The following KLHL29 variants were observed in gnomAD, a reference collection of about 807,000 sequenced individuals.
KLHL29 encodes kelch like family member 29.
Under a neutral mutation model 80.4 loss-of-function variants are expected in KLHL29, and 21 were observed. That is an observed-to-expected ratio of 0.26 (90% CI 0.19 to 0.38). The LOEUF (loss-of-function observed/expected upper bound fraction) is 0.38, where lower values mean the gene tolerates loss of function less well. KLHL29 is among the 10% of genes least tolerant of loss of function. The pLI is 1.00. For synonymous variants in KLHL29, 511 were observed against 526.8 expected, an observed-to-expected ratio of 0.97 and a Z score of 0.41; for missense variants, 867 against 1,223.9, an observed-to-expected ratio of 0.71 and a Z score of 4.35.
At chr2:23,464,730 C>T (rs1050371949) in intron 1 of KLHL29, among the ~76,000 whole-genome samples, 2 of 152,008 alleles carry the variant, frequency 1.3e-5, no homozygotes, top group African/African-American at 4.8e-5. Context: ...TTGGCAGCAC[C>T]CAGAAGTATT....
Position 23,680,631 on chromosome 2 carries a change from G to T in KLHL29, c.941-3768G>T, listed in dbSNP as rs1044340434. On this transcript the variant is annotated intron_variant, in intron 5 of 13. Coordinates refer to ENST00000486442, the MANE Select transcript of KLHL29 (RefSeq NM_052920.2). The surrounding 1 kb of genome is among the most constrained non-coding windows in gnomAD (Gnocchi z 4.1). ...GCAGGGAGGGTCATGGGCTCTCTAGGCCATCTTCTCCTGGGGTCTCTAGGC... is the reference window on the plus strand; with the variant it reads ...GCAGGGAGGGTCATGGGCTCTCTAGTCCATCTTCTCCTGGGGTCTCTAGGC... Among the ~76,000 whole-genome samples the T allele has an allele frequency of 6.6e-6, 1 of 151,952 alleles. No individual in the cohort carries two copies. The highest frequency in any genetic ancestry group is 6.5e-5 in the Admixed American group (1 of 15,270).
chr2:23,581,320 C>T (rs1667975235), intron 3 of KLHL29, among the ~76,000 whole-genome samples: 1 of 152,150 alleles, frequency 6.6e-6, no homozygotes, highest in African/African-American at 2.4e-5. Context: ...CATGGATTCT[C>T]TTTCATGTAT....
chr2:23,389,158 T>G (rs1002844167), intron 1 of KLHL29, among the ~76,000 whole-genome samples: 1 of 152,104 alleles, frequency 6.6e-6, no homozygotes, highest in African/African-American at 2.4e-5. Context: ...CAGCAGAGGA[T>G]TTTCCAAATA....
Position 23,411,875 on chromosome 2 carries a change from T to C in KLHL29, c.-154+26095T>C, listed in dbSNP as rs962003189. On this transcript the variant is annotated intron_variant, in intron 1 of 13. Transcript: ENST00000486442. The stretch of plus-strand genomic sequence containing the variant: ...CCCAGTCTAATAACTAAAAGCTCTC[T>C]GGAGGAGCCAGAATTTTCGTCATGG... Among the ~76,000 whole-genome samples the C allele has an allele frequency of 9.2e-5, 14 of 152,180 alleles. No homozygotes were observed. The East Asian group carries it at 2.7e-3, about 29-fold the overall frequency.
chr2:23,391,677 C>T (rs941045489), intron 1 of KLHL29, among the ~76,000 whole-genome samples: 2 of 152,132 alleles, frequency 1.3e-5, no homozygotes, highest in African/African-American at 2.4e-5. Context: ...TCAGGTAATT[C>T]GCCTGTCTCT....
intron 2 of KLHL29, among the ~76,000 whole-genome samples, chr2:23,482,322 C>A (rs1252862461): frequency 6.6e-6 from 1 of 152,210 alleles, no homozygotes; most frequent in Non-Finnish European, 1.5e-5. Context: ...ATTTGATTTT[C>A]TAAGAGGCCT....
At chr2:23,463,719 A>G (rs926193606) in intron 1 of KLHL29, among the ~76,000 whole-genome samples, 4 of 152,252 alleles carry the variant, frequency 2.6e-5, no homozygotes, top group Non-Finnish European at 5.9e-5. Context: ...CCTTCTGACC[A>G]CCTTTCTGCC....
Position 23,654,700 on chromosome 2 carries a change from G to T in KLHL29, c.940+11850G>T, listed in dbSNP as rs1397898873. ...CTTCCAGAAGGGAACAGAGGTTGGG[G>T]GGGGGGGGTGGATGTTTTGTATGTG... On this transcript the variant is annotated intron_variant, in intron 5 of 13. Transcript: ENST00000486442. 4.2e-5 allele frequency among the ~76,000 whole-genome samples: 5 copies of T among 117,832 alleles called. 1 individual carries two copies. The highest frequency in any genetic ancestry group is 8.2e-5 in the African/African-American group (3 of 36,748). The allele number at this position is 117,832 out of a possible 152,430, so 77.3% of individuals were successfully genotyped here. A position where few individuals can be genotyped will look rare whatever the true frequency, so the allele number is the denominator to read the frequency against.
intron 8 of KLHL29, among the ~76,000 whole-genome samples, chr2:23,694,698 C>A (rs1255461891): frequency 1.3e-5 from 2 of 152,194 alleles, no homozygotes; most frequent in Non-Finnish European, 2.9e-5. Context: ...ACACACCATT[C>A]TCTTTCACTC....
At chr2:23,572,900 C>T (rs2103503620) in intron 3 of KLHL29, among the ~76,000 whole-genome samples, 1 of 152,268 alleles carries the variant, frequency 6.6e-6, no homozygotes, top group South Asian at 2.1e-4. Context: ...CGGGGTTTCA[C>T]CATGGTCTCG....
intron 2 of KLHL29, among the ~76,000 whole-genome samples, chr2:23,551,236 CTT>C (rs1342659105): frequency 1.3e-5 from 2 of 152,164 alleles, no homozygotes. Context: ...TTTCCAGTAT[CTT>C]TTTTATTTTT....
intron 1 of KLHL29, among the ~76,000 whole-genome samples, chr2:23,427,290 G>A (rs1003718125): frequency 6.6e-6 from 1 of 152,076 alleles, no homozygotes; most frequent in Non-Finnish European, 1.5e-5. Context: ...TTAACAATAC[G>A]GTGTTACCAC....
chr2:23,687,768 A>G (rs1170622871), intron 6 of KLHL29, among the ~76,000 whole-genome samples: 1 of 152,166 alleles, frequency 6.6e-6, no homozygotes, highest in African/African-American at 2.4e-5. Context: ...AGGGGGTCTC[A>G]GGTCCCACAG....
At chr2:23,404,661 A>G (rs1217800396) in intron 1 of KLHL29, among the ~76,000 whole-genome samples, 4 of 152,228 alleles carry the variant, frequency 2.6e-5, no homozygotes, top group Non-Finnish European at 4.4e-5. Flanking sequence ...GCAGAGCAGG[A>G]AGTGGAGAGC....
At chr2:23,641,489 C>T (rs139730669) in intron 4 of KLHL29, among the ~76,000 whole-genome samples, 56 of 152,334 alleles carry the variant, frequency 3.7e-4, no homozygotes, top group African/African-American at 1.3e-3. Context: ...TCTCCACCAT[C>T]CCCTTCCCCT....
At chr2:23,556,543 C>T (rs550170186) in intron 2 of KLHL29, among the ~76,000 whole-genome samples, 1 of 151,676 alleles carries the variant, frequency 6.6e-6, no homozygotes, top group African/African-American at 2.4e-5. Flanking sequence ...TCCTGTAATA[C>T]GCAGGAGGCT....
intron 3 of KLHL29, among the ~76,000 whole-genome samples, chr2:23,606,268 C>G (rs572240518): frequency 6.6e-6 from 1 of 151,640 alleles, no homozygotes; most frequent in East Asian, 1.9e-4. Flanking sequence ...ATGATTGATT[C>G]CAGAACGTTC....
At chr2:23,520,115 A>C (rs2103468889) in intron 2 of KLHL29, among the ~76,000 whole-genome samples, 1 of 152,184 alleles carries the variant, frequency 6.6e-6, no homozygotes. Flanking sequence ...TGGCAGAGAG[A>C]GGAGGACGGG....
At chr2:23,568,653 A>G (rs574144808) in intron 3 of KLHL29, among the ~76,000 whole-genome samples, 2 of 152,356 alleles carry the variant, frequency 1.3e-5, no homozygotes, top group East Asian at 3.9e-4. Flanking sequence ...AGCAGGAGGC[A>G]TGGCCAAGCC....
Sources: allele counts gnomAD v4.1 joint callset (sites outside exome capture counted in the v4.1 genomes callset), GRCh38; gene constraint gnomAD v4.1.1; non-coding constraint Gnocchi (gnomAD v3.1); transcripts MANE v1.5; gene names NCBI Gene and HGNC (gene_info 2026-07-23, HGNC 2026-07-21).